NOP58: variants seen among roughly 807,000 people sequenced by gnomAD.
NOP58 encodes the protein nucleolar protein 58.
In NOP58, 44 loss-of-function variants were observed where a neutral mutation model predicts 71.2. The observed-to-expected ratio is 0.62, with a 90% confidence interval of 0.49 to 0.79. The LOEUF is 0.79. Among genes scored for constraint, NOP58 ranks in the 30% least tolerant of loss-of-function variants. NOP58 has a pLI of 0.00. For missense variants in NOP58, 538 were observed against 620.2 expected, an observed-to-expected ratio of 0.87 and a Z score of 1.41; for synonymous variants, 228 against 200.3, an observed-to-expected ratio of 1.14 and a Z score of -1.17.
At chr2:202,289,009 A>C (rs1574384439) in intron 6 of NOP58, among the ~76,000 whole-genome samples, 1 of 151,984 alleles carries the variant, frequency 6.6e-6, no homozygotes. Context: ...AGTCCCAGCC[A>C]CTTAGGAGGC....
chr2:202,297,504 A>G lies in NOP58; in HGVS notation c.1197A>G (p.Glu399=), dbSNP rs746281592. Residue 399 remains glutamate, a synonymous_variant, in exon 11 of 15, where the codon GAA becomes GAG. Coordinates refer to ENST00000264279, the MANE Select transcript of NOP58 (RefSeq NM_015934.5). ...TAGAGGCCAGGTTGAGAACTTTGGA[A>G]GACAGAGGGGTAAGAACTACATCAT... ...AKLEARLRTL[E]DRGIRKISGT... 7 of 1,613,884 alleles carry G rather than the reference A, an allele frequency of 4.3e-6. No homozygotes were observed. In the South Asian group the frequency reaches 7.7e-5, roughly 18 times the overall value.
intron 5 of NOP58, among the ~76,000 whole-genome samples, chr2:202,286,346 T>C (rs1688785793): frequency 6.9e-6 from 1 of 144,982 alleles, no homozygotes; most frequent in Admixed American, 7.0e-5. Flanking sequence ...CTACTAAAAA[T>C]ACAAAAAAAT....
chr2:202,290,427 T>G lies in NOP58; in HGVS notation c.604T>G (p.Leu202Val). 2.5e-6 allele frequency: 4 copies of G among 1,611,088 alleles called. No homozygotes were observed. The highest frequency in any genetic ancestry group is 3.4e-6 in the Non-Finnish European group (4 of 1,178,476). Residue 202 changes from leucine to valine, a missense_variant, in exon 7 of 15, where the codon TTA becomes GTA. Leu to Val is a conservative substitution (Grantham distance 32, BLOSUM62 1). Coordinates refer to ENST00000264279, the MANE Select transcript of NOP58 (RefSeq NM_015934.5). ...PELGKIISDN[L>V]TYCKCLQKVG... is the part of the protein sequence containing the mutation. ...ATTAGGAAAAATTATTTCAGATAAT[T>G]TAACATACTGCAAGTGTTTACAGAA... is the stretch of plus-strand genomic sequence containing the variant.
chr2:202,267,364 C>T (rs1688434919), intron 1 of NOP58, among the ~76,000 whole-genome samples: 2 of 152,066 alleles, frequency 1.3e-5, no homozygotes, highest in Non-Finnish European at 2.9e-5. Context: ...TGAAAATACG[C>T]AGTTTGCATT....
At chr2:202,299,714 A>G (rs1362452549) in intron 12 of NOP58, 10 of 152,278 alleles carry the variant, frequency 6.6e-5, no homozygotes, top group Admixed American at 6.5e-4. Context: ...TTCTGCTTAC[A>G]TTAGAACAAA....
intron 1 of NOP58, among the ~76,000 whole-genome samples, chr2:202,269,857 G>C (rs1401585540): frequency 6.6e-6 from 1 of 152,188 alleles, no homozygotes; most frequent in Non-Finnish European, 1.5e-5. Context: ...CTTCCATGTG[G>C]TAGCCATTAG....
intron 3 of NOP58, 134 bp from the exon 4 acceptor site, chr2:202,282,217 A>G (rs964117635): frequency 3.0e-6 from 2 of 673,034 alleles, no homozygotes; most frequent in Non-Finnish European, 4.9e-6. Context: ...AACATATATC[A>G]TTTCATTTCA....
chr2:202,282,419 G>A lies in NOP58; in HGVS notation c.244G>A (p.Glu82Lys). The A allele has an allele frequency of 3.1e-6, 5 of 1,613,628 alleles. No individual in the cohort carries two copies. Among genetic ancestry groups the A allele is most frequent in the Non-Finnish European group, 4.2e-6 (5 of 1,179,880 alleles). Residue 82 changes from glutamate (E) to lysine (K), a missense_variant, in exon 4 of 15, where the codon GAA becomes AAA. By Grantham distance (56) the Glu-to-Lys change is moderately conservative. Transcript: ENST00000264279. ...AAAAGTTCTGAAGAAAATAGTAAAA[G>A]AAGCCCATGAACCGCTGGCAGTAGC... ...LKKVLKKIVK[E>K]AHEPLAVADA...
At chr2:202,266,105 T>TGGGAGGA (rs1337074999) in intron 1 of NOP58, 119 bp downstream of exon 1, 15 of 1,205,080 alleles carry the variant, frequency 1.2e-5, no homozygotes, top group Non-Finnish European at 1.8e-5. Context: ...GCCCGGGCTC[T>TGGGAGGA]GGGAGGAGGG....
At chr2:202,287,933 A>C (rs1688820700) in intron 6 of NOP58, among the ~76,000 whole-genome samples, 1 of 151,968 alleles carries the variant, frequency 6.6e-6, no homozygotes, top group East Asian at 1.9e-4. Context: ...CAACATGACA[A>C]AACTCTGTCT....
intron 5 of NOP58, among the ~76,000 whole-genome samples, chr2:202,285,764 A>G (rs972856272): frequency 5.3e-5 from 8 of 152,212 alleles, no homozygotes; most frequent in Middle Eastern, 3.2e-3. Flanking sequence ...GAATTGCACT[A>G]CAGTTAACAG....
chr2:202,286,199 AGG>A (rs1294088427), intron 5 of NOP58, among the ~76,000 whole-genome samples: 2 of 143,964 alleles, frequency 1.4e-5, no homozygotes, highest in Non-Finnish European at 3.0e-5. Context: ...AAAAAAAAAA[AGG>A]GAGAAAGAAA....
intron 5 of NOP58, among the ~76,000 whole-genome samples, chr2:202,285,383 CTG>C (rs1688770878): frequency 7.6e-6 from 1 of 131,472 alleles, no homozygotes; most frequent in South Asian, 2.6e-4. Flanking sequence ...GGGTCTCACT[CTG>C]TTGCTCAGGC....
chr2:202,279,081 T>C (rs1688656915), intron 3 of NOP58, among the ~76,000 whole-genome samples: 1 of 152,240 alleles, frequency 6.6e-6, no homozygotes, highest in Non-Finnish European at 1.5e-5. Flanking sequence ...AGCTTTTAAG[T>C]ATGGGTAAAC....
Position 202,271,500 on chromosome 2 carries a change from G to T in NOP58, c.46-3613G>T, listed in dbSNP as rs1165294420. On this transcript the variant is annotated intron_variant, in intron 1 of 14. Transcript: ENST00000264279. ...GAGAGTTGCTTTAACCAGGGAGGTG[G>T]AGGTTGTAGTGAGCTGAGATCACGC... Among the ~76,000 whole-genome samples the T allele has an allele frequency of 2.6e-5, 4 of 152,202 alleles. No homozygotes were observed. In the South Asian group the frequency reaches 6.2e-4, roughly 24 times the overall value.
Position 202,265,872 on chromosome 2 carries a change from C to T in NOP58, c.-70C>T, listed in dbSNP as rs534007673. The T allele has an allele frequency of 2.1e-5, 33 of 1,590,616 alleles. No homozygotes were observed. The highest frequency in any genetic ancestry group is 1.7e-4 in the Middle Eastern group (1 of 6,030). ...CGGCCTAGGAGGCCTTTTGAGGCCGCGTAGTCGGTGTTTTTGAACTGACTC... is the reference window on the plus strand; with the variant it reads ...CGGCCTAGGAGGCCTTTTGAGGCCGTGTAGTCGGTGTTTTTGAACTGACTC... On this transcript the variant is annotated 5_prime_UTR_variant, in exon 1 of 15. Transcript: ENST00000264279.
intron 4 of NOP58, among the ~76,000 whole-genome samples, chr2:202,283,090 G>A (rs1201017203): frequency 3.3e-5 from 5 of 152,132 alleles, no homozygotes; most frequent in African/African-American, 7.2e-5. Context: ...GCAGGCGCCT[G>A]TAGTCCCAGC....
At chr2:202,299,212 C>T (rs527385733) in intron 12 of NOP58, among the ~76,000 whole-genome samples, 1 of 152,246 alleles carries the variant, frequency 6.6e-6, no homozygotes, top group African/African-American at 2.4e-5. Context: ...CCCGCCTTGG[C>T]CTCCCAAAGT....
At chr2:202,300,391 C>G (rs1262993756) in intron 13 of NOP58, 24 bp downstream of exon 13, 1 of 1,554,078 alleles carries the variant, frequency 6.4e-7, no homozygotes, top group African/African-American at 1.4e-5. Flanking sequence ...TTTTTTTTAA[C>G]ACAACTTATA....
Sources: gnomAD v4.1 joint callset for allele counts (sites outside exome capture counted in the v4.1 genomes callset) on GRCh38, gnomAD v4.1.1 for gene constraint, MANE v1.5 for transcripts, NCBI Gene and HGNC (gene_info 2026-07-23, HGNC 2026-07-21) for gene names.